ARHGAP40: variants seen among roughly 807,000 people sequenced by gnomAD.
The protein encoded by ARHGAP40 is rho GTPase-activating protein 40.
ARHGAP40 carries 43 observed loss-of-function variants against 73.5 expected under a neutral mutation model. That is an observed-to-expected ratio of 0.58 (90% CI 0.46 to 0.75). The LOEUF (loss-of-function observed/expected upper bound fraction) is 0.75. Ranked by LOEUF, ARHGAP40 falls within the 30% of genes least tolerant of loss-of-function variation. The probability of loss-of-function intolerance (pLI) is 0.00; values close to 1 mark genes in which losing one functional copy is unlikely to be tolerated. For synonymous variants in ARHGAP40, 300 were observed against 352.8 expected (o/e 0.85, Z 1.68); for missense variants, 734 against 861.8 (o/e 0.85, Z 1.86).
intron 6 of ARHGAP40, 99 bp downstream of exon 6, chr20:38,634,884 T>TTA: frequency 1.8e-6 from 2 of 1,105,044 alleles, no homozygotes; most frequent in Non-Finnish European, 2.3e-6. Context: ...TTGTCTTTCT[T>TTA]TCTTTTTTTT....
At chr20:38,639,551 A>C (rs561299281) in intron 9 of ARHGAP40, among the ~76,000 whole-genome samples, 165 bp downstream of exon 9, 1 of 152,366 alleles carries the variant, frequency 6.6e-6, no homozygotes, top group African/African-American at 2.4e-5. Context: ...ATGTGAGCCC[A>C]ATGTGTGCAC....
intron 1 of ARHGAP40, among the ~76,000 whole-genome samples, chr20:38,608,034 AG>A (rs1462225780): frequency 6.6e-6 from 1 of 151,774 alleles, no homozygotes; most frequent in African/African-American, 2.4e-5. Context: ...TTGAGGAAAA[AG>A]GTCCTATGAC....
intron 2 of ARHGAP40, among the ~76,000 whole-genome samples, chr20:38,625,606 A>G (rs1173019587): frequency 6.6e-6 from 1 of 152,054 alleles, no homozygotes; most frequent in Non-Finnish European, 1.5e-5. Flanking sequence ...TTTAGTAGAG[A>G]TGGGGTTTCG....
intron 1 of ARHGAP40, among the ~76,000 whole-genome samples, chr20:38,610,924 C>G (rs767038228): frequency 7.3e-6 from 1 of 136,794 alleles, no homozygotes; most frequent in Non-Finnish European, 1.5e-5. Context: ...GAGTCTTGCT[C>G]TGTCACCCAG....
At position 38,629,571 on chromosome 20, in the gene ARHGAP40, C is replaced by A. The variant is rs753411470; in HGVS notation, c.704C>A (p.Ser235Ter). 8 of 1,305,414 alleles carry A rather than the reference C, an allele frequency of 6.1e-6. No homozygotes were observed. The South Asian group carries it at 7.4e-5, about 12-fold the overall frequency. 80.9% of individuals were successfully genotyped at this position (1,305,414 alleles called of 1,614,324 possible). A position where few individuals can be genotyped will look rare whatever the true frequency, so the allele number is the denominator to read the frequency against. ...GCCTTCAACATGGACTCTGCCTACTCAGAACAAGCTGCGGTGCTCCTGCAG... is the reference window on the plus strand; with the variant it reads ...GCCTTCAACATGGACTCTGCCTACTAAGAACAAGCTGCGGTGCTCCTGCAG... Residue 235 changes from serine (S) to a stop codon, truncating the protein, a stop_gained, in exon 5 of 15, where the codon TCA becomes TAA. Coordinates refer to ENST00000373345, the Ensembl canonical transcript of ARHGAP40. LOFTEE classifies it high-confidence loss of function.
chr20:38,622,087 A>C (rs2088876456), intron 1 of ARHGAP40, among the ~76,000 whole-genome samples: 1 of 151,900 alleles, frequency 6.6e-6, no homozygotes. Context: ...ACAAACAAAA[A>C]CAGAAAAGCA....
chr20:38,637,417 G>C (rs1303145685), intron 6 of ARHGAP40, among the ~76,000 whole-genome samples: 1 of 152,162 alleles, frequency 6.6e-6, no homozygotes, highest in Non-Finnish European at 1.5e-5. Flanking sequence ...CCAAAGTGCT[G>C]GGATTACAGG....
chr20:38,618,191 C>A (rs2088853832), intron 1 of ARHGAP40, among the ~76,000 whole-genome samples: 1 of 151,944 alleles, frequency 6.6e-6, no homozygotes, highest in Admixed American at 6.6e-5. Context: ...TCTCTGCCTC[C>A]CAGGTTCAAG....
In ARHGAP40 at chr20:38,648,711, G is replaced by A; in HGVS notation, c.1936+13G>A. 7.7e-7 allele frequency: 1 copy of A among 1,305,550 alleles called. No individual in the cohort carries two copies. The highest frequency in any genetic ancestry group is 1.0e-6 in the Non-Finnish European group (1 of 988,910). The allele number at this position is 1,305,550 out of a possible 1,614,324, so 80.9% of individuals were successfully genotyped here. Reference sequence around the variant, plus strand: ...GGAGGGAATATCAGTAAGTTCCACTGTGGGAAACAGGAACAGAGCCCGGGT... The same window carrying A: ...GGAGGGAATATCAGTAAGTTCCACTATGGGAAACAGGAACAGAGCCCGGGT... On this transcript the variant is annotated intron_variant, in intron 14 of 14. Coordinates refer to ENST00000373345, the Ensembl canonical transcript of ARHGAP40.
intron 6 of ARHGAP40, among the ~76,000 whole-genome samples, chr20:38,635,665 T>G (rs2088970466): frequency 1.3e-5 from 2 of 152,148 alleles, no homozygotes; most frequent in South Asian, 4.2e-4. Context: ...TCTGTCTCAT[T>G]CTATATATAT....
At chr20:38,608,259 C>T (rs2088783852) in intron 1 of ARHGAP40, among the ~76,000 whole-genome samples, 1 of 152,172 alleles carries the variant, frequency 6.6e-6, no homozygotes, top group Non-Finnish European at 1.5e-5. Context: ...ACCTGCTCCC[C>T]TTCCTGGGAG....
At chr20:38,644,949 T>C (rs897791890) in intron 11 of ARHGAP40, among the ~76,000 whole-genome samples, 15 of 152,128 alleles carry the variant, frequency 9.9e-5, no homozygotes, top group Non-Finnish European at 2.9e-5. Context: ...CCTTCTTCCA[T>C]GGTCATTAGG....
chr20:38,612,561 C>T (rs1212360914), intron 1 of ARHGAP40, among the ~76,000 whole-genome samples: 1 of 151,946 alleles, frequency 6.6e-6, no homozygotes, highest in East Asian at 1.9e-4. Flanking sequence ...GTAATTCCAG[C>T]CGGGAGGCTG....
At chr20:38,640,167 C>CTTCTTCTTTCTTCT (rs1472982780) in intron 9 of ARHGAP40, among the ~76,000 whole-genome samples, 2 of 56,208 alleles carry the variant, frequency 3.6e-5, no homozygotes, top group African/African-American at 9.4e-5. Context: ...TTTCTTCTTT[C>CTTCTTCTTTCTTCT]TTCTTCTTTC....
intron 1 of ARHGAP40, among the ~76,000 whole-genome samples, chr20:38,605,237 C>T (rs2088764149): frequency 6.6e-6 from 1 of 152,316 alleles, no homozygotes; most frequent in Admixed American, 6.5e-5. Flanking sequence ...GAATGAAATG[C>T]TCACTGCCTC....
chr20:38,640,984 C>G (rs902253783), intron 9 of ARHGAP40, among the ~76,000 whole-genome samples: 1 of 152,138 alleles, frequency 6.6e-6, no homozygotes, highest in Non-Finnish European at 1.5e-5. Context: ...TTGTTTTCCT[C>G]CTTTACTATT....
At chr20:38,601,869 C>G (rs2088735028) in exon 1 of ARHGAP40, 1 of 1,282,150 alleles carries the variant, frequency 7.8e-7, no homozygotes, top group South Asian at 1.2e-5. Context: ...TCACTCCTCC[C>G]TCTCACATTG....
chr20:38,608,719 G>A lies in ARHGAP40; in HGVS notation c.137+6640G>A, dbSNP rs183129754. On this transcript the variant is annotated intron_variant, in intron 1 of 14. Transcript: ENST00000373345. ...TTGGGCCGTTGGGGCGGTGAAAAAG[G>A]GCCACAAATTTAGTGGCTGAAACAA... Among the ~76,000 whole-genome samples the A allele has an allele frequency of 1.9e-3, 292 of 152,218 alleles. 2 individuals carry two copies. Among genetic ancestry groups the A allele is most frequent in the Middle Eastern group, 6.8e-3 (2 of 294 alleles).
rs369137106 is a variant in ARHGAP40, at chr20:38,643,908, A to C, written c.1567A>C (p.Thr523Pro). 148 of 1,297,816 alleles carry C rather than the reference A, an allele frequency of 1.1e-4. No homozygotes were observed. The highest frequency in any genetic ancestry group is 1.5e-4 in the Non-Finnish European group (144 of 984,302). 80.4% of individuals were successfully genotyped at this position (1,297,816 alleles called of 1,614,324 possible). A position where few individuals can be genotyped will look rare whatever the true frequency, so the allele number is the denominator to read the frequency against. ...GGTGCACTACCAGGATCTGCTGTGG[A>C]CGGTGAGTGCTGCTGGGCGCTGGGT... The change falls in exon 11 of 15, where the codon ACG becomes CCG. Residue 523 changes from threonine (T) to proline (P), a missense_variant and splice_region_variant. Transcript: ENST00000373345.
Sources: allele counts gnomAD v4.1 joint callset (sites outside exome capture counted in the v4.1 genomes callset), GRCh38; gene constraint gnomAD v4.1.1; transcripts MANE v1.5; gene names NCBI Gene and HGNC (gene_info 2026-07-23, HGNC 2026-07-21).